PEMT: variants seen among roughly 807,000 people sequenced by gnomAD.
PEMT encodes phospholipid methyltransferase.
In PEMT, 23 loss-of-function variants were observed where a neutral mutation model predicts 27.4. The observed-to-expected ratio is 0.84, with a 90% CI of 0.60 to 1.19. The LOEUF is 1.19. Among genes scored for constraint, PEMT ranks in the 50% most tolerant of loss-of-function variants. The pLI, the probability that PEMT is intolerant of heterozygous loss-of-function variation, is 0.00. For synonymous variants in PEMT, 137 were observed against 139.1 expected, an observed-to-expected ratio of 0.98 and a Z score of 0.11; for missense variants, 307 against 310.1, an observed-to-expected ratio of 0.99 and a Z score of 0.07.
intron 3 of PEMT, chr17:17,519,029 C>T (rs1907065935): frequency 6.6e-6 from 1 of 152,258 alleles, no homozygotes; most frequent in Non-Finnish European, 1.5e-5. Flanking sequence ...ATACCCACCT[C>T]TAGACAGCCA....
At chr17:17,510,316 G>A (rs1293037661) in intron 4 of PEMT, among the ~76,000 whole-genome samples, 1 of 152,170 alleles carries the variant, frequency 6.6e-6, no homozygotes, top group Non-Finnish European at 1.5e-5. Flanking sequence ...GCCCACAGAG[G>A]ACAGTCCCAC....
chr17:17,576,883 A>C, intron 2 of PEMT, 37 bp downstream of exon 2: 6 of 1,541,554 alleles, frequency 3.9e-6, no homozygotes, highest in Non-Finnish European at 5.4e-6. Flanking sequence ...AAGCAGTGAG[A>C]TACTCCCGTC....
At chr17:17,570,986 C>T in intron 2 of PEMT, 1 of 875,894 alleles carries the variant, frequency 1.1e-6, no homozygotes, top group Non-Finnish European at 1.4e-6. Flanking sequence ...AGACTGGAGA[C>T]TCCCACGTAG....
intron 2 of PEMT, among the ~76,000 whole-genome samples, chr17:17,529,187 C>T (rs1207774659): frequency 6.6e-6 from 1 of 152,242 alleles, no homozygotes; most frequent in African/African-American, 2.4e-5. Flanking sequence ...CTCTGCTCTG[C>T]ACACGCTAGG....
intron 1 of PEMT, among the ~76,000 whole-genome samples, chr17:17,590,344 C>G (rs371194141): frequency 6.6e-6 from 1 of 152,326 alleles, no homozygotes; most frequent in East Asian, 1.9e-4. Flanking sequence ...TGGAGGGCTT[C>G]GCAACTGCCT....
chr17:17,508,535 G>A lies in PEMT; in HGVS notation c.578+899C>T, dbSNP rs537988170. Among the ~76,000 whole-genome samples, 19 of 152,382 alleles carry A rather than the reference G, an allele frequency of 1.2e-4. No homozygotes were observed. In the East Asian group the frequency reaches 2.7e-3, roughly 22 times the overall value. On this transcript the variant is annotated intron_variant, in intron 5 of 6. Coordinates refer to ENST00000255389, the MANE Select transcript of PEMT (RefSeq NM_148172.3). ...CACTCCTTTGGGATCCTCAGGTCTT[G>A]TGGAGAACCTGTAAATTCTAGGCCA...
intron 1 of PEMT, 116 bp downstream of exon 1, chr17:17,591,414 AT>A: frequency 1.8e-6 from 1 of 558,560 alleles, no homozygotes; most frequent in Non-Finnish European, 2.9e-6. Context: ...CCACGCCCCC[AT>A]TGCCTGGGAA....
intron 2 of PEMT, among the ~76,000 whole-genome samples, chr17:17,559,590 A>T (rs1320269102): frequency 6.6e-6 from 1 of 152,210 alleles, no homozygotes; most frequent in Non-Finnish European, 1.5e-5. Context: ...GTGGGGCCAG[A>T]TGAAGGCCAG....
At chr17:17,587,548 C>T (rs978985760) in intron 1 of PEMT, among the ~76,000 whole-genome samples, 1 of 152,058 alleles carries the variant, frequency 6.6e-6, no homozygotes, top group Non-Finnish European at 1.5e-5. Flanking sequence ...CAATACTTCC[C>T]AACTCACTGT....
At chr17:17,537,670 A>G (rs1908579056) in intron 2 of PEMT, among the ~76,000 whole-genome samples, 1 of 152,176 alleles carries the variant, frequency 6.6e-6, no homozygotes, top group Non-Finnish European at 1.5e-5. Context: ...AGAGTGGGAG[A>G]AAGAGAAGGA....
At chr17:17,547,360 C>CCT (rs1368671428) in intron 2 of PEMT, among the ~76,000 whole-genome samples, 8 of 152,264 alleles carry the variant, frequency 5.3e-5, no homozygotes, top group African/African-American at 1.9e-4. Flanking sequence ...GCGTTCAGGG[C>CCT]CTCTGCCCAA....
At chr17:17,526,037 C>T (rs979282178) in intron 2 of PEMT, among the ~76,000 whole-genome samples, 1 of 152,106 alleles carries the variant, frequency 6.6e-6, no homozygotes, top group African/African-American at 2.4e-5. Flanking sequence ...TGCAACCTGT[C>T]CCATGGGACT....
chr17:17,550,728 C>T (rs190667758), intron 2 of PEMT, among the ~76,000 whole-genome samples: 1 of 152,202 alleles, frequency 6.6e-6, no homozygotes, highest in East Asian at 1.9e-4. Flanking sequence ...GGGCACAAAG[C>T]CTGGACAGGA....
chr17:17,511,564 C>T (rs546032716), intron 4 of PEMT, among the ~76,000 whole-genome samples: 1 of 152,354 alleles, frequency 6.6e-6, no homozygotes, highest in African/African-American at 2.4e-5. Context: ...GGGAGCTCCT[C>T]AGGACACCGT....
At chr17:17,534,514 TGG>T (rs1908319566) in intron 2 of PEMT, among the ~76,000 whole-genome samples, 1 of 152,236 alleles carries the variant, frequency 6.6e-6, no homozygotes, top group African/African-American at 2.4e-5. Flanking sequence ...ACGTGCCTCC[TGG>T]CTGTAGAAAC....
chr17:17,536,728 C>T (rs1908500489), intron 2 of PEMT, among the ~76,000 whole-genome samples: 1 of 152,236 alleles, frequency 6.6e-6, no homozygotes, highest in East Asian at 1.9e-4. Flanking sequence ...GCTACACCTG[C>T]CCGTCCACCA....
intron 2 of PEMT, among the ~76,000 whole-genome samples, chr17:17,568,231 A>G (rs771496158): frequency 6.6e-6 from 1 of 152,032 alleles, no homozygotes; most frequent in Non-Finnish European, 1.5e-5. Context: ...GACTCCTCCA[A>G]AAAGCCCACG....
chr17:17,567,901 T>G (rs557497729), intron 2 of PEMT, among the ~76,000 whole-genome samples: 1 of 152,296 alleles, frequency 6.6e-6, no homozygotes, highest in African/African-American at 2.4e-5. Flanking sequence ...CGCTTTCTGG[T>G]CCAGAAACAC....
intron 1 of PEMT, among the ~76,000 whole-genome samples, chr17:17,589,875 C>G (rs1034632487): frequency 3.9e-5 from 6 of 152,196 alleles, no homozygotes; most frequent in Admixed American, 6.5e-5. Context: ...CACCCTGACC[C>G]GAACCCCAGC....
Sources: allele counts gnomAD v4.1 joint callset (sites outside exome capture counted in the v4.1 genomes callset), GRCh38; gene constraint gnomAD v4.1.1; transcripts MANE v1.5; gene names NCBI Gene and HGNC (gene_info 2026-07-23, HGNC 2026-07-21).